Variants in SLC9C1 observed in about 807,000 individuals in gnomAD.
SLC9C1 encodes the protein sodium/hydrogen exchanger 10.
In SLC9C1, 97 loss-of-function variants were observed where a neutral mutation model predicts 140.9. The ratio of observed to expected loss-of-function variants is 0.69; its 90% CI spans 0.58 to 0.82. The LOEUF (loss-of-function observed/expected upper bound fraction) is 0.82, where lower values mean the gene tolerates loss of function less well. Ranked by LOEUF, SLC9C1 falls within the 40% of genes least tolerant of loss-of-function variation. SLC9C1 has a pLI of 0.00. For synonymous variants in SLC9C1, 440 were observed against 442.6 expected (o/e 0.99, Z 0.07); for missense variants, 1,340 against 1,389.3 (o/e 0.96, Z 0.56).
At chr3:112,206,160 A>ACAC (rs1553790493) in intron 16 of SLC9C1, among the ~76,000 whole-genome samples, 1 of 101,206 alleles carries the variant, frequency 9.9e-6, no homozygotes, top group Non-Finnish European at 2.0e-5. Context: ...TTACAAGAAA[A>ACAC]AAACAACCCC....
intron 28 of SLC9C1, among the ~76,000 whole-genome samples, chr3:112,143,042 A>G (rs1380662836): frequency 6.6e-6 from 1 of 152,180 alleles, no homozygotes; most frequent in Non-Finnish European, 1.5e-5. Flanking sequence ...AGCTGCATCC[A>G]TATTGCTGCA....
Position 112,199,393 on chromosome 3 carries a change from C to A in SLC9C1, c.2451G>T (p.Met817Ile). The A allele has an allele frequency of 6.3e-7, 1 of 1,598,616 alleles. No homozygotes were observed. Among genetic ancestry groups the A allele is most frequent in the South Asian group, 1.2e-5 (1 of 86,786 alleles). Reference protein sequence around the residue: ...TKEEINVMLNMATEILKAFGL... With the variant: ...TKEEINVMLNIATEILKAFGL... ...CAAAAGCCTTAAGAATTTCTGTAGC[C>A]ATATTGAGCATAACATTAATTTCTT... The change falls in exon 20 of 29, where the codon ATG (methionine) becomes ATT (isoleucine). Residue 817 changes from methionine to isoleucine, a missense_variant. Met to Ile is a conservative substitution (Grantham distance 10). Coordinates refer to ENST00000305815, the MANE Select transcript of SLC9C1 (RefSeq NM_183061.3).
chr3:112,230,929 T>C (rs1232427297), intron 13 of SLC9C1, among the ~76,000 whole-genome samples: 1 of 152,196 alleles, frequency 6.6e-6, no homozygotes, highest in African/African-American at 2.4e-5. Context: ...GGCTGTATCA[T>C]TACATGAAAA....
intron 10 of SLC9C1, among the ~76,000 whole-genome samples, chr3:112,246,293 C>T (rs1239809012): frequency 2.0e-5 from 3 of 152,044 alleles, no homozygotes; most frequent in Non-Finnish European, 2.9e-5. Context: ...AGTGTGGTAC[C>T]AAATAGCAAC....
At chr3:112,253,443 C>T (rs540310354) in intron 10 of SLC9C1, among the ~76,000 whole-genome samples, 47 of 152,222 alleles carry the variant, frequency 3.1e-4, no homozygotes, top group African/African-American at 1.0e-3. Context: ...AAGCAAGAGC[C>T]CACCAACTGA....
At chr3:112,186,109 T>C in intron 20 of SLC9C1, 3 of 757,630 alleles carry the variant, frequency 4.0e-6, no homozygotes, top group Non-Finnish European at 6.0e-6. Context: ...TTGTTCTTAC[T>C]GATTTGTATA....
chr3:112,291,095 C>A (rs2080668663), intron 1 of SLC9C1, among the ~76,000 whole-genome samples: 1 of 152,142 alleles, frequency 6.6e-6, no homozygotes, highest in South Asian at 2.1e-4. Flanking sequence ...ATGATGTTAG[C>A]TGGTGATTAT....
intron 26 of SLC9C1, 91 bp from the exon 27 acceptor site, chr3:112,155,140 A>G: frequency 8.9e-7 from 1 of 1,120,450 alleles, no homozygotes; most frequent in Non-Finnish European, 1.3e-6. Flanking sequence ...ATCAGATTCA[A>G]ATCACACTCA....
At chr3:112,218,282 T>C (rs1365415012) in intron 14 of SLC9C1, among the ~76,000 whole-genome samples, 1 of 152,004 alleles carries the variant, frequency 6.6e-6, no homozygotes, top group Non-Finnish European at 1.5e-5. Flanking sequence ...GCTGACCAGA[T>C]ACTTTCATCG....
chr3:112,168,767 G>A (rs1433453614), intron 25 of SLC9C1, 110 bp downstream of exon 25: 2 of 1,043,416 alleles, frequency 1.9e-6, no homozygotes, highest in Non-Finnish European at 2.7e-6. Context: ...GGAAAAGGGA[G>A]AAGATTGGAA....
At chr3:112,261,592 G>A (rs1029083953) in intron 10 of SLC9C1, among the ~76,000 whole-genome samples, 14 of 152,010 alleles carry the variant, frequency 9.2e-5, no homozygotes, top group Non-Finnish European at 1.9e-4. Flanking sequence ...AGTATTAACT[G>A]TAGGGTTCAG....
At chr3:112,220,927 A>G (rs2078523358) in intron 14 of SLC9C1, among the ~76,000 whole-genome samples, 2 of 152,206 alleles carry the variant, frequency 1.3e-5, no homozygotes, top group South Asian at 2.1e-4. Flanking sequence ...GTAAGAATGA[A>G]TGCAGCAAAT....
At chr3:112,237,590 G>A (rs2079025572) in intron 12 of SLC9C1, among the ~76,000 whole-genome samples, 1 of 152,174 alleles carries the variant, frequency 6.6e-6, no homozygotes, top group African/African-American at 2.4e-5. Flanking sequence ...TGCAGTGGCT[G>A]GTACCGGTTG....
intron 13 of SLC9C1, among the ~76,000 whole-genome samples, chr3:112,229,453 T>C (rs1037264159): frequency 7.9e-5 from 12 of 152,082 alleles, no homozygotes; most frequent in African/African-American, 2.9e-4. Flanking sequence ...TAAATATGTA[T>C]AATTATATGT....
chr3:112,153,220 T>C (rs988241631), intron 27 of SLC9C1, among the ~76,000 whole-genome samples: 1 of 152,234 alleles, frequency 6.6e-6, no homozygotes, highest in Non-Finnish European at 1.5e-5. Flanking sequence ...ATTTTCACAC[T>C]CCTGCTTCAT....
chr3:112,195,165 C>G (rs373824562), intron 20 of SLC9C1, among the ~76,000 whole-genome samples: 1 of 152,176 alleles, frequency 6.6e-6, no homozygotes, highest in East Asian at 1.9e-4. Context: ...TTTTGCTGCA[C>G]GTGCCTTAAG....
At chr3:112,243,201 G>C (rs2079184126) in intron 11 of SLC9C1, among the ~76,000 whole-genome samples, 1 of 152,092 alleles carries the variant, frequency 6.6e-6, no homozygotes, top group Non-Finnish European at 1.5e-5. Flanking sequence ...CTACAAAAAA[G>C]ATACATTCAC....
intron 10 of SLC9C1, among the ~76,000 whole-genome samples, chr3:112,260,123 T>G (rs59043683): frequency 0.1 from 15,848 of 152,158 alleles, 884 homozygotes; most frequent in East Asian, 0.2. Context: ...CAATTATAAT[T>G]TATCTATTTC....
intron 6 of SLC9C1, among the ~76,000 whole-genome samples, chr3:112,274,022 C>T (rs2080147235): frequency 6.6e-6 from 1 of 152,062 alleles, no homozygotes; most frequent in Non-Finnish European, 1.5e-5. Context: ...TTTCCAAAAC[C>T]AGCGCAAGTG....
Sources: gnomAD v4.1 joint callset for allele counts (sites outside exome capture counted in the v4.1 genomes callset) on GRCh38, gnomAD v4.1.1 for gene constraint, MANE v1.5 for transcripts, NCBI Gene and HGNC (gene_info 2026-07-23, HGNC 2026-07-21) for gene names.